Variants in SVOP observed in about 807,000 individuals in gnomAD.
The protein encoded by SVOP is synaptic vesicle 2-related protein.
In SVOP, 17 loss-of-function variants were observed where a neutral mutation model predicts 69.1. That is an observed-to-expected ratio of 0.25 (90% CI 0.17 to 0.37). The LOEUF is 0.37. Among genes scored for constraint, SVOP ranks in the 10% least tolerant of loss-of-function variants. SVOP has a pLI of 1.00. For missense variants in SVOP, 435 were observed against 597.5 expected, an observed-to-expected ratio of 0.73 and a Z score of 2.84; for synonymous variants, 238 against 238.6, an observed-to-expected ratio of 1.00 and a Z score of 0.02.
At position 108,993,974 on chromosome 12, in the gene SVOP, C is replaced by CTGATCATCTT. The variant is rs1404826426; in HGVS notation, c.36-10223_36-10214dup. Among the ~76,000 whole-genome samples, 229 of 152,312 alleles carry CTGATCATCTT rather than the reference C, an allele frequency of 1.5e-3. 3 individuals are homozygous for CTGATCATCTT. Among genetic ancestry groups the CTGATCATCTT allele is most frequent in the Middle Eastern group, 3.4e-3 (1 of 294 alleles). ...TCACAGAAAGAAATCGCTGTGTGGC[C>CTGATCATCTT]TGATCATCTTCCTTGAATACTCCTT... On this transcript the variant is annotated intron_variant, in intron 1 of 15. Transcript: ENST00000610966.
At chr12:109,015,926 G>A (rs1421914982) in intron 1 of SVOP, among the ~76,000 whole-genome samples, 1 of 152,176 alleles carries the variant, frequency 6.6e-6, no homozygotes, top group African/African-American at 2.4e-5. Flanking sequence ...AGGAGCAGGT[G>A]GAGGACGGAC....
chr12:108,972,912 G>A (rs944932051), intron 4 of SVOP, among the ~76,000 whole-genome samples: 5 of 152,224 alleles, frequency 3.3e-5, no homozygotes, highest in Non-Finnish European at 5.9e-5. Flanking sequence ...TAAACTACTA[G>A]TAAGAGAAAC....
In SVOP at chr12:108,908,943, T is replaced by C. The variant is rs985151526; in HGVS notation, c.*3592A>G. 3 of 152,210 alleles carry C rather than the reference T, an allele frequency of 2.0e-5. No individual in the cohort carries two copies. The highest frequency in any genetic ancestry group is 4.8e-5 in the African/African-American group (2 of 41,440). 9.4% of individuals were successfully genotyped at this position (152,210 alleles called of 1,614,324 possible). The stretch of plus-strand genomic sequence containing the variant: ...GATCAATGAGAAGCAATGGTAAATC[T>C]GCCAGGGGACTTCCTTTTCTAACCA... On this transcript the variant is annotated 3_prime_UTR_variant, in exon 16 of 16. Transcript: ENST00000610966.
chr12:109,014,583 C>T (rs1204712221), intron 1 of SVOP, among the ~76,000 whole-genome samples: 1 of 152,126 alleles, frequency 6.6e-6, no homozygotes, highest in African/African-American at 2.4e-5. Context: ...GGTCACATGG[C>T]ATTATTTTTA....
chr12:109,000,231 G>T (rs897150552), intron 1 of SVOP, among the ~76,000 whole-genome samples: 1 of 151,352 alleles, frequency 6.6e-6, no homozygotes, highest in Non-Finnish European at 1.5e-5. Flanking sequence ...TAAATTCCTC[G>T]ACACATACAG....
chr12:109,010,127 CAA>C (rs11311870), intron 1 of SVOP, among the ~76,000 whole-genome samples: 1 of 119,050 alleles, frequency 8.4e-6, no homozygotes. Context: ...CTCTCTCTCT[CAA>C]AAAAAAAAAA....
chr12:108,965,433 G>A (rs193066352), intron 5 of SVOP, among the ~76,000 whole-genome samples: 1 of 152,146 alleles, frequency 6.6e-6, no homozygotes, highest in African/African-American at 2.4e-5. Flanking sequence ...AAGGATGGGG[G>A]CCTGGTGGAA....
At chr12:108,981,726 A>G (rs1474006967) in intron 2 of SVOP, among the ~76,000 whole-genome samples, 1 of 152,210 alleles carries the variant, frequency 6.6e-6, no homozygotes, top group Non-Finnish European at 1.5e-5. Flanking sequence ...GATTAGATGG[A>G]TAAAACATGT....
At chr12:108,998,474 C>A (rs528620916) in intron 1 of SVOP, among the ~76,000 whole-genome samples, 3 of 152,032 alleles carry the variant, frequency 2.0e-5, no homozygotes, top group East Asian at 3.9e-4. Flanking sequence ...CACAAAGATA[C>A]TCCTCGAGAA....
chr12:108,969,361 T>C (rs566652138), intron 5 of SVOP, among the ~76,000 whole-genome samples: 27 of 134,588 alleles, frequency 2.0e-4, no homozygotes, highest in African/African-American at 7.2e-4. Context: ...TCTCCTTTCT[T>C]CTTTCCCCCT....
intron 1 of SVOP, among the ~76,000 whole-genome samples, chr12:108,989,450 C>CAGGAGGAAGT (rs1251305563): frequency 6.6e-6 from 1 of 152,092 alleles, no homozygotes; most frequent in Non-Finnish European, 1.5e-5. Flanking sequence ...CAGGAGGAAG[C>CAGGAGGAAGT]TAAGAAAGGA....
chr12:108,996,979 A>G (rs1035345360), intron 1 of SVOP, among the ~76,000 whole-genome samples: 1 of 152,206 alleles, frequency 6.6e-6, no homozygotes, highest in Non-Finnish European at 1.5e-5. Flanking sequence ...GAATAGGAAC[A>G]GCTCCGGTCT....
chr12:108,956,453 T>A (rs2039986446), intron 6 of SVOP, among the ~76,000 whole-genome samples: 2 of 152,124 alleles, frequency 1.3e-5, no homozygotes, highest in African/African-American at 4.8e-5. Context: ...ATCCCCACCC[T>A]CCAATGCTGA....
At position 108,960,940 on chromosome 12, in the gene SVOP, G is replaced by C; in HGVS notation, c.561C>G (p.Ile187Met). Residue 187 changes from isoleucine to methionine, a missense_variant, in exon 6 of 16, where the codon ATC becomes ATG. Physicochemically the swap from Ile to Met is conservative, Grantham distance 10. Coordinates refer to ENST00000610966, the MANE Select transcript of SVOP (RefSeq NM_018711.5). ...LVLRGLVGFG[I>M]GGVPQSVTLY... ...TTACTTACGACTGGGGAACTCCTCCGATCCCGAAGCCCACCAGGCCCCGGA... is the reference window on the plus strand; with the variant it reads ...TTACTTACGACTGGGGAACTCCTCCCATCCCGAAGCCCACCAGGCCCCGGA... 1 of 1,536,982 alleles carries C rather than the reference G, an allele frequency of 6.5e-7. No homozygotes were observed. Among genetic ancestry groups the C allele is most frequent in the Non-Finnish European group, 8.7e-7 (1 of 1,146,826 alleles).
intron 15 of SVOP, among the ~76,000 whole-genome samples, chr12:108,913,507 T>G (rs2039697783): frequency 6.6e-6 from 1 of 152,136 alleles, no homozygotes. Flanking sequence ...ATACAGATAA[T>G]AAGGATGGGG....
In SVOP at chr12:108,912,112, C is replaced by G; in HGVS notation, c.*423G>C. Reference sequence around the variant, plus strand: ...CCTGGGGCTGTGAGTGTGGGAGAAACCTACTGAACAGGTCCGGTGGGTGGA... The same window carrying G: ...CCTGGGGCTGTGAGTGTGGGAGAAAGCTACTGAACAGGTCCGGTGGGTGGA... On this transcript the variant is annotated 3_prime_UTR_variant, in exon 16 of 16. Transcript: ENST00000610966. 1.1e-6 allele frequency: 1 copy of G among 917,220 alleles called. No individual in the cohort carries two copies. The highest frequency in any genetic ancestry group is 1.3e-6 in the Non-Finnish European group (1 of 761,292). 56.8% of individuals were successfully genotyped at this position (917,220 alleles called of 1,614,324 possible).
intron 7 of SVOP, 68 bp from the exon 8 acceptor site, chr12:108,940,977 A>C: frequency 6.7e-7 from 1 of 1,500,812 alleles, no homozygotes; most frequent in Non-Finnish European, 8.9e-7. Flanking sequence ...TTATGGGGGC[A>C]TTGTGGACAA....
At chr12:108,954,904 G>A (rs2039976863) in intron 6 of SVOP, among the ~76,000 whole-genome samples, 1 of 152,158 alleles carries the variant, frequency 6.6e-6, no homozygotes, top group African/African-American at 2.4e-5. Flanking sequence ...ATGGTGGTGT[G>A]TGCCTGGAAG....
At chr12:108,998,828 G>A (rs1001157599) in intron 1 of SVOP, among the ~76,000 whole-genome samples, 1 of 151,074 alleles carries the variant, frequency 6.6e-6, no homozygotes, top group Non-Finnish European at 1.5e-5. Flanking sequence ...ACATGGAAAG[G>A]AACAACCGGT....
Sources: allele counts gnomAD v4.1 joint callset (sites outside exome capture counted in the v4.1 genomes callset), GRCh38; gene constraint gnomAD v4.1.1; transcripts MANE v1.5; gene names NCBI Gene and HGNC (gene_info 2026-07-23, HGNC 2026-07-21).